ADGRV1: variants seen among roughly 807,000 people sequenced by gnomAD.
The protein encoded by ADGRV1 is adhesion G protein-coupled receptor V1, also known as G-protein coupled receptor 98.
Under a neutral mutation model 596.2 loss-of-function variants are expected in ADGRV1, and 359 were observed. The observed-to-expected ratio is 0.60, with a 90% CI of 0.55 to 0.66. ADGRV1 has a LOEUF of 0.66. ADGRV1 is among the 30% of genes least tolerant of loss of function. The probability of loss-of-function intolerance (pLI) is 0.00; values close to 1 mark genes in which losing one functional copy is unlikely to be tolerated. For missense variants in ADGRV1, 7,274 were observed against 7,575.6 expected (o/e 0.96, Z 1.48); for synonymous variants, 2,681 against 2,679.2 (o/e 1.00, Z -0.02).
At chr5:90,816,189 GT>G (rs1028090807) in intron 75 of ADGRV1, among the ~76,000 whole-genome samples, 24 of 152,054 alleles carry the variant, frequency 1.6e-4, no homozygotes, top group Middle Eastern at 3.2e-3. Context: ...CTGTGAGAAT[GT>G]TGGTCTCCCT....
intron 45 of ADGRV1, among the ~76,000 whole-genome samples, chr5:90,721,753 T>A (rs1293659967): frequency 6.6e-6 from 1 of 152,010 alleles, no homozygotes; most frequent in Non-Finnish European, 1.5e-5. Context: ...TGAAAGAATA[T>A]AGGGGAATGC....
intron 87 of ADGRV1, among the ~76,000 whole-genome samples, chr5:91,115,355 A>G (rs1792759641): frequency 6.6e-6 from 1 of 152,208 alleles, no homozygotes; most frequent in African/African-American, 2.4e-5. Context: ...CTACTAATAA[A>G]TGAAGATACT....
At chr5:90,869,326 TC>T (rs555877014) in intron 83 of ADGRV1, among the ~76,000 whole-genome samples, 40 of 152,274 alleles carry the variant, frequency 2.6e-4, no homozygotes, top group Admixed American at 6.5e-4. Flanking sequence ...GGCTTGCAGA[TC>T]CCACAGAGAA....
intron 83 of ADGRV1, among the ~76,000 whole-genome samples, chr5:90,964,934 C>T (rs989921255): frequency 2.6e-5 from 4 of 152,076 alleles, no homozygotes; most frequent in African/African-American, 9.7e-5. Context: ...TTAGGATAAC[C>T]ATAGAATTTG....
chr5:90,975,534 C>T (rs1008555718), intron 84 of ADGRV1, among the ~76,000 whole-genome samples: 5 of 152,034 alleles, frequency 3.3e-5, no homozygotes, highest in South Asian at 4.2e-4. Flanking sequence ...AAAAAGGATG[C>T]GTTCATGTCC....
rs62375135 is a variant in ADGRV1, at chr5:90,709,160, C to T, written c.8824+251C>T. Among the ~76,000 whole-genome samples, 10,296 of 152,140 alleles carry T rather than the reference C, an allele frequency of 0.068. 461 individuals carry two copies. The highest frequency in any genetic ancestry group is 0.098 in the Non-Finnish European group (6,660 of 67,972). On this transcript the variant is annotated intron_variant, in intron 39 of 89. Transcript: ENST00000405460. The stretch of plus-strand genomic sequence containing the variant: ...ACTATTTTATAAACAAATTTGTAAT[C>T]CTCAAAATAGCTCTTTGGAAGGTAT...
intron 87 of ADGRV1, among the ~76,000 whole-genome samples, chr5:91,142,810 C>G (rs1795204812): frequency 6.6e-6 from 1 of 152,176 alleles, no homozygotes; most frequent in Admixed American, 6.5e-5. Context: ...ATTCTTGAAT[C>G]AAAAGAAATA....
intron 85 of ADGRV1, among the ~76,000 whole-genome samples, chr5:91,015,442 T>A (rs968341894): frequency 6.6e-6 from 1 of 152,078 alleles, no homozygotes; most frequent in Non-Finnish European, 1.5e-5. Flanking sequence ...CTTTGTTAAT[T>A]TTCTGCCTCA....
intron 65 of ADGRV1, 110 bp downstream of exon 65, chr5:90,781,688 G>A: frequency 2.1e-6 from 2 of 952,772 alleles, no homozygotes; most frequent in Non-Finnish European, 3.1e-6. Context: ...GTGTGTGTTT[G>A]TGTTTACACA....
Position 90,815,874 on chromosome 5 carries a change from G to C in ADGRV1, c.16196+138G>C, listed in dbSNP as rs1762844043. ...ATTTGGCACGTCTTCAGATGCTCTA[G>C]TTCTTAATTTGTGATTATGGTACTT... On this transcript the variant is annotated intron_variant, in intron 75 of 89. Coordinates refer to ENST00000405460, the MANE Select transcript of ADGRV1 (RefSeq NM_032119.4). 3.6e-5 allele frequency: 22 copies of C among 604,308 alleles called. 1 individual carries two copies. The South Asian group carries it at 4.2e-4, about 12-fold the overall frequency. 37.4% of individuals were successfully genotyped at this position (604,308 alleles called of 1,614,324 possible).
intron 83 of ADGRV1, among the ~76,000 whole-genome samples, chr5:90,917,596 C>T (rs1450279413): frequency 6.6e-6 from 1 of 152,202 alleles, no homozygotes; most frequent in Non-Finnish European, 1.5e-5. Context: ...ATCTGCCAAA[C>T]TCCTGAGGAA....
At chr5:91,062,544 T>C (rs1787530618) in intron 85 of ADGRV1, among the ~76,000 whole-genome samples, 1 of 152,070 alleles carries the variant, frequency 6.6e-6, no homozygotes, top group African/African-American at 2.4e-5. Context: ...TCAACAGCTG[T>C]TTAGATGCAG....
intron 87 of ADGRV1, among the ~76,000 whole-genome samples, chr5:91,129,481 G>A (rs1273895562): frequency 6.6e-6 from 1 of 152,144 alleles, no homozygotes; most frequent in Admixed American, 6.5e-5. Context: ...CGACATCATA[G>A]ATCAAAGTTT....
chr5:90,777,573 A>G lies in ADGRV1; in HGVS notation c.12528-332A>G, dbSNP rs2438355. Among the ~76,000 whole-genome samples the G allele has an allele frequency of 0.57, 87,072 of 151,906 alleles. 25,045 individuals are homozygous for G. The highest frequency in any genetic ancestry group is 0.66 in the Admixed American group (10,124 of 15,262). ...TGAAGGGTCTTCCAGTCTTTAGAGA[A>G]CTTAGACTTTTCATATTTTGTACCT... On this transcript the variant is annotated intron_variant, in intron 61 of 89. Transcript: ENST00000405460.
At chr5:91,135,962 C>T (rs13158026) in intron 87 of ADGRV1, among the ~76,000 whole-genome samples, 15,845 of 152,114 alleles carry the variant, frequency 0.1, 843 homozygotes, top group South Asian at 0.18. Flanking sequence ...CAGGGAAGAG[C>T]AGCAGAGGGA....
chr5:90,799,176 C>T (rs144349528), intron 70 of ADGRV1, among the ~76,000 whole-genome samples: 1,523 of 152,246 alleles, frequency 0.01, 57 homozygotes, highest in Admixed American at 0.063. Context: ...ATTTAGAAAA[C>T]CCCATCATCT....
chr5:90,763,365 G>A lies in ADGRV1; in HGVS notation c.12181G>A (p.Val4061Ile). The change falls in exon 59 of 90, where the codon GTC becomes ATC. Residue 4061 changes from valine to isoleucine, a missense_variant. Physicochemically the swap from Val to Ile is conservative, Grantham distance 29. This residue lies in a region of ADGRV1 where 3,643 missense variants were observed against 3,809.2 expected (regional missense o/e 0.96). Transcript: ENST00000405460. Reference sequence around the variant, plus strand: ...TGATTCATATGTGACATTGACGGTTGTCCGGTCCCCAGGAGGAAAAGGAAC... The same window carrying A: ...TGATTCATATGTGACATTGACGGTTATCCGGTCCCCAGGAGGAAAAGGAAC... ...DPDSYVTLTV[V>I]RSPGGKGTVR... The A allele has an allele frequency of 6.2e-7, 1 of 1,611,494 alleles. No individual in the cohort carries two copies. Among genetic ancestry groups the A allele is most frequent in the Non-Finnish European group, 8.5e-7 (1 of 1,178,734 alleles).
At chr5:90,817,337 C>T (rs1290629475) in intron 75 of ADGRV1, among the ~76,000 whole-genome samples, 74 of 151,224 alleles carry the variant, frequency 4.9e-4, no homozygotes, top group African/African-American at 1.4e-3. Context: ...GAGTAGGTTG[C>T]GAAAATTGTC....
chr5:90,730,943 A>G (rs1170110696), intron 50 of ADGRV1, among the ~76,000 whole-genome samples: 2 of 152,284 alleles, frequency 1.3e-5, no homozygotes. Flanking sequence ...ACAGTTATTA[A>G]TTTGATATTA....
Sources: allele counts gnomAD v4.1 joint callset (sites outside exome capture counted in the v4.1 genomes callset), GRCh38; gene constraint gnomAD v4.1.1; regional missense constraint gnomAD v4.1.1; transcripts MANE v1.5; gene names NCBI Gene and HGNC (gene_info 2026-07-23, HGNC 2026-07-21).